Variants in HK1 observed in about 807,000 individuals in gnomAD.
HK1 encodes the protein hexokinase 1, also known as hexokinase-1.
A neutral mutation model predicts 91.6 loss-of-function variants in HK1; 28 were observed. The ratio of observed to expected loss-of-function variants is 0.31; its 90% CI spans 0.23 to 0.42. The LOEUF (loss-of-function observed/expected upper bound fraction) is 0.42. Ranked by LOEUF, HK1 falls within the 10% of genes least tolerant of loss-of-function variation. The pLI, the probability that HK1 is intolerant of heterozygous loss-of-function variation, is 1.00. For missense variants in HK1, 770 were observed against 1,219.8 expected, an observed-to-expected ratio of 0.63 and a Z score of 5.49; for synonymous variants, 430 against 468.1, an observed-to-expected ratio of 0.92 and a Z score of 1.05.
At chr10:69,273,493 G>A (rs2077278429) in intron 1 of HK1, among the ~76,000 whole-genome samples, 1 of 152,190 alleles carries the variant, frequency 6.6e-6, no homozygotes, top group African/African-American at 2.4e-5. Flanking sequence ...TAGGATTACA[G>A]GCATGAGCCA....
intron 2 of HK1, 72 bp downstream of exon 2, chr10:69,344,061 G>A (rs554786028): frequency 4.0e-6 from 6 of 1,481,862 alleles, no homozygotes; most frequent in East Asian, 4.5e-5. Context: ...AACTTCATTT[G>A]TTCATACATT....
At chr10:69,347,847 G>A (rs1848648022) in intron 2 of HK1, among the ~76,000 whole-genome samples, 1 of 152,156 alleles carries the variant, frequency 6.6e-6, no homozygotes, top group African/African-American at 2.4e-5. Context: ...TCTCCTTGGA[G>A]GGTCTGCGTG....
At chr10:69,376,303 G>T (rs1269629349) in intron 7 of HK1, among the ~76,000 whole-genome samples, 1 of 152,060 alleles carries the variant, frequency 6.6e-6, no homozygotes, top group Admixed American at 6.5e-5. Flanking sequence ...GGTCGCTTGG[G>T]CCCATGAGTT....
chr10:69,379,718 A>G, intron 8 of HK1, 144 bp from the exon 9 acceptor site: 3 of 741,602 alleles, frequency 4.0e-6, no homozygotes, highest in Non-Finnish European at 7.4e-6. Flanking sequence ...CTTCTCAGGC[A>G]TTTGACAGTC....
chr10:69,321,127 T>C (rs1846998240), intron 1 of HK1, among the ~76,000 whole-genome samples: 1 of 152,216 alleles, frequency 6.6e-6, no homozygotes, highest in Admixed American at 6.5e-5. Context: ...GGACTTCCTA[T>C]GCTGCTTTCT....
In HK1 at chr10:69,380,798, G is replaced by A. The variant is rs111429055; in HGVS notation, c.1265+703G>A. On this transcript the variant is annotated intron_variant, in intron 9 of 17. Transcript: ENST00000359426. This position sits in a 1 kb window ranked among gnomAD's most constrained non-coding sequence, Gnocchi z 4.0. ...AGAAGCCATGTTGTCCTGTGAGAAC[G>A]TGGCTTATACTTTTTTTAAAAGGCT... 9.8e-5 allele frequency among the ~76,000 whole-genome samples: 15 copies of A among 152,304 alleles called. 1 individual carries two copies. The highest frequency in any genetic ancestry group is 2.9e-4 in the African/African-American group (12 of 41,568).
intron 13 of HK1, among the ~76,000 whole-genome samples, chr10:69,387,803 TA>T (rs1165657393): frequency 6.6e-6 from 1 of 152,094 alleles, no homozygotes. Context: ...TGAAAAAATA[TA>T]AAATGAAAAA....
rs1022247903 is a variant in HK1 at position 69,369,703 on chromosome 10, A to G, written c.875+79A>G. On this transcript the variant is annotated intron_variant, in intron 7 of 17. Coordinates refer to ENST00000359426, the MANE Select transcript of HK1 (RefSeq NM_000188.3). This position sits in a 1 kb window ranked among gnomAD's most constrained non-coding sequence, Gnocchi z 4.4. The stretch of plus-strand genomic sequence containing the variant: ...TGAAAGATTTGGGATGGGAGATGAA[A>G]AGGGCATAAAGCCAAGTGATCACAA... 1.1e-4 allele frequency: 150 copies of G among 1,312,972 alleles called. No homozygotes were observed. In the Middle Eastern group the frequency reaches 1.5e-3, roughly 13 times the overall value. 81.3% of individuals were successfully genotyped at this position (1,312,972 alleles called of 1,614,324 possible).
In HK1 at chr10:69,398,835, G is replaced by C; in HGVS notation, c.2609+7G>C. ...TCTACAAGCTTCATCCACAGTGAGT[G>C]GGCCTTCCAGTTGGGATGCGCAGAG... On this transcript the variant is annotated splice_region_variant and intron_variant, in intron 17 of 17. Coordinates refer to ENST00000359426, the MANE Select transcript of HK1 (RefSeq NM_000188.3). 1 of 1,598,784 alleles carries C rather than the reference G, an allele frequency of 6.3e-7. No individual in the cohort carries two copies. Among genetic ancestry groups the C allele is most frequent in the South Asian group, 1.1e-5 (1 of 90,740 alleles).
intron 14 of HK1, among the ~76,000 whole-genome samples, chr10:69,390,442 A>G (rs1476091251): frequency 6.6e-6 from 1 of 152,212 alleles, no homozygotes; most frequent in African/African-American, 2.4e-5. Context: ...CAGGACTCCC[A>G]TAGGCAAGAT....
At chr10:69,358,386 C>T (rs886798030) in intron 2 of HK1, among the ~76,000 whole-genome samples, 2 of 152,232 alleles carry the variant, frequency 1.3e-5, no homozygotes, top group Non-Finnish European at 2.9e-5. Flanking sequence ...CAGTGCTGCA[C>T]ATGTCACTCC....
In HK1 at chr10:69,384,326, G is replaced by C. The variant is rs767368913; in HGVS notation, c.1571-7G>C. The C allele has an allele frequency of 1.8e-5, 29 of 1,614,236 alleles. No homozygotes were observed. The highest frequency in any genetic ancestry group is 2.5e-5 in the Non-Finnish European group (29 of 1,180,038). On this transcript the variant is annotated splice_region_variant and splice_polypyrimidine_tract_variant and intron_variant, in intron 10 of 17. Coordinates refer to ENST00000359426, the MANE Select transcript of HK1 (RefSeq NM_000188.3). Reference sequence around the variant, plus strand: ...TTTGACATTCTTTACGCTTTTGACTGCAACAGAGAATGGTGACTTCTTGGC... The same window carrying C: ...TTTGACATTCTTTACGCTTTTGACTCCAACAGAGAATGGTGACTTCTTGGC...
chr10:69,368,498 C>CAT (rs1564546685), intron 4 of HK1, 38 bp from the exon 5 acceptor site: 2 of 1,568,194 alleles, frequency 1.3e-6, no homozygotes, highest in Middle Eastern at 3.5e-4. Flanking sequence ...CTGGAGGCCT[C>CAT]CCAGCCCTCA....
intron 4 of HK1, among the ~76,000 whole-genome samples, chr10:69,299,600 C>T (rs1220546888): frequency 6.6e-6 from 1 of 151,510 alleles, no homozygotes; most frequent in Non-Finnish European, 1.5e-5. Flanking sequence ...CTCCTGACCT[C>T]GTGATTGCCC....
At position 69,335,644 on chromosome 10, in the gene HK1, G is replaced by A. The variant is rs143121757; in HGVS notation, c.64-8183G>A. 1.3e-3 allele frequency among the ~76,000 whole-genome samples: 201 copies of A among 152,320 alleles called. 1 individual carries two copies. Among genetic ancestry groups the A allele is most frequent in the African/African-American group, 4.5e-3 (186 of 41,570 alleles). On this transcript the variant is annotated intron_variant, in intron 1 of 17. Transcript: ENST00000359426. ...GCCACTCATTCTTGCCCAGGGTGTT[G>A]GAAGTGATGGTACCTGCTCTGCTTC...
chr10:69,320,588 C>T (rs927000500), intron 1 of HK1, among the ~76,000 whole-genome samples: 12 of 152,080 alleles, frequency 7.9e-5, no homozygotes, highest in African/African-American at 9.7e-5. Flanking sequence ...ACAGTTCTCC[C>T]GGCATGGCAA....
chr10:69,282,269 G>A (rs1031510708), intron 1 of HK1, among the ~76,000 whole-genome samples: 4 of 152,068 alleles, frequency 2.6e-5, no homozygotes, highest in Admixed American at 6.6e-5. Context: ...CAATATCACC[G>A]TCCTCCTCAC....
chr10:69,351,006 TAAA>T (rs71009213), intron 2 of HK1, among the ~76,000 whole-genome samples: 1 of 108,714 alleles, frequency 9.2e-6, no homozygotes, highest in Non-Finnish European at 1.8e-5. Context: ...CCGTCTCTAC[TAAA>T]AAAAAAAAAA....
intron 4 of HK1, among the ~76,000 whole-genome samples, chr10:69,366,803 T>A (rs1263441399): frequency 6.6e-6 from 1 of 152,164 alleles, no homozygotes; most frequent in African/African-American, 2.4e-5. Context: ...GACATGACAG[T>A]CACTCCCCCT....
Sources: gnomAD v4.1 joint callset for allele counts (sites outside exome capture counted in the v4.1 genomes callset) on GRCh38, gnomAD v4.1.1 for gene constraint, Gnocchi (gnomAD v3.1) non-coding constraint, MANE v1.5 for transcripts, NCBI Gene and HGNC (gene_info 2026-07-23, HGNC 2026-07-21) for gene names.